The following RNF145 variants were observed in gnomAD, a reference collection of about 807,000 sequenced individuals.
The protein encoded by RNF145 is ring finger protein 145.
In RNF145, 12 loss-of-function variants were observed where a neutral mutation model predicts 57.3. The observed-to-expected ratio is 0.21, with a 90% CI of 0.13 to 0.34. The LOEUF (loss-of-function observed/expected upper bound fraction) is 0.34, where lower values mean the gene tolerates loss of function less well. Among genes scored for constraint, RNF145 ranks in the 10% least tolerant of loss-of-function variants. The pLI is 1.00. For missense variants in RNF145, 429 were observed against 799.0 expected, an observed-to-expected ratio of 0.54 and a Z score of 5.58; for synonymous variants, 262 against 288.3, an observed-to-expected ratio of 0.91 and a Z score of 0.92.
intron 1 of RNF145, among the ~76,000 whole-genome samples, chr5:159,204,813 A>G (rs1439885490): frequency 1.4e-5 from 2 of 145,838 alleles, no homozygotes; most frequent in Non-Finnish European, 3.0e-5. Context: ...CAAAAAAAAA[A>G]AAAAAAAAAA....
rs563714744 is a variant in RNF145, at chr5:159,157,749, C to G, written c.*921G>C. The G allele has an allele frequency of 6.5e-6, 1 of 152,710 alleles. No homozygotes were observed. The highest frequency in any genetic ancestry group is 2.4e-5 in the African/African-American group (1 of 41,422). 9.5% of individuals were successfully genotyped at this position (152,710 alleles called of 1,614,324 possible). On this transcript the variant is annotated 3_prime_UTR_variant, in exon 11 of 11. Coordinates refer to ENST00000424310, the MANE Select transcript of RNF145 (RefSeq NM_001199383.2). ...GTGATCATACAGTTATGTACTCATT[C>G]CCAAAGTGCAAATATTGCCATAATT...
chr5:159,204,391 G>A (rs529882998), intron 1 of RNF145, among the ~76,000 whole-genome samples: 1 of 151,946 alleles, frequency 6.6e-6, no homozygotes, highest in Non-Finnish European at 1.5e-5. Flanking sequence ...AGTAGTGGGG[G>A]GGGGCAGGGG....
rs1785824709 is a variant in RNF145, at chr5:159,205,028, T to G, written c.-39-1372A>C. 2.6e-5 allele frequency among the ~76,000 whole-genome samples: 4 copies of G among 152,280 alleles called. 1 individual carries two copies. The South Asian group carries it at 6.2e-4, about 24-fold the overall frequency. ...GACAGATTGCTATGCTATGGTTAAA[T>G]ATTTGTCAGTATTTCCATCTTACCC... On this transcript the variant is annotated intron_variant, in intron 1 of 10. Transcript: ENST00000424310.
At chr5:159,188,802 GATA>G (rs999837712) in intron 3 of RNF145, among the ~76,000 whole-genome samples, 25 of 152,088 alleles carry the variant, frequency 1.6e-4, no homozygotes, top group African/African-American at 5.8e-4. Context: ...GTCATTTCAG[GATA>G]ATAAGTTTCA....
chr5:159,180,388 G>A (rs946632040), intron 4 of RNF145, among the ~76,000 whole-genome samples: 7 of 151,896 alleles, frequency 4.6e-5, no homozygotes, highest in African/African-American at 1.7e-4. Flanking sequence ...CCATCTAAAA[G>A]GCCTTCTTGA....
intron 1 of RNF145, chr5:159,207,840 A>G: frequency 6.2e-7 from 1 of 1,614,182 alleles, no homozygotes. Context: ...CTGAATACAA[A>G]GGCCATCTTT....
chr5:159,168,934 G>A lies in RNF145; in HGVS notation c.1060C>T (p.Leu354=). 1.9e-6 allele frequency: 3 copies of A among 1,606,368 alleles called. No individual in the cohort carries two copies. The highest frequency in any genetic ancestry group is 1.1e-5 in the South Asian group (1 of 89,468). Residue 354 remains leucine, a synonymous_variant, in exon 8 of 11, where the codon CTA becomes TTA. Coordinates refer to ENST00000424310, the MANE Select transcript of RNF145 (RefSeq NM_001199383.2). ...IILFIVVASI[L]QSMLEIADPI... ...TCTGCAATTTCTAACATAGACTGTA[G>A]GATAGAAGCTACGACAATGAAAAGG... is the stretch of plus-strand genomic sequence containing the variant.
chr5:159,197,938 C>T lies in RNF145; in HGVS notation c.185-3114G>A, dbSNP rs551017907. ...GCCAGTCTGGGTGACAGAGCATGAC[C>T]CTGTCTCTATAAAAAATAAGGGTTG... On this transcript the variant is annotated intron_variant, in intron 2 of 10. Coordinates refer to ENST00000424310, the MANE Select transcript of RNF145 (RefSeq NM_001199383.2). Among the ~76,000 whole-genome samples, 13 of 152,020 alleles carry T rather than the reference C, an allele frequency of 8.6e-5. No individual in the cohort carries two copies. The South Asian group carries it at 1.7e-3, about 19-fold the overall frequency.
intron 8 of RNF145, among the ~76,000 whole-genome samples, chr5:159,166,028 TAC>T (rs937991507): frequency 1.3e-5 from 2 of 152,232 alleles, no homozygotes; most frequent in African/African-American, 4.8e-5. Flanking sequence ...TACACCACTT[TAC>T]ACTCTCATCA....
At chr5:159,172,439 C>T (rs1347115539) in intron 6 of RNF145, among the ~76,000 whole-genome samples, 2 of 151,910 alleles carry the variant, frequency 1.3e-5, no homozygotes, top group Non-Finnish European at 2.9e-5. Context: ...CGAGATTGTG[C>T]CACTGTACTC....
At chr5:159,207,675 C>A in intron 1 of RNF145, 1 of 1,612,810 alleles carries the variant, frequency 6.2e-7, no homozygotes, top group South Asian at 1.1e-5. Context: ...GAACGCATTT[C>A]TTACATAAGC....
chr5:159,158,084 G>A lies in RNF145; in HGVS notation c.*586C>T, dbSNP rs1245593446. On this transcript the variant is annotated 3_prime_UTR_variant, in exon 11 of 11. Transcript: ENST00000424310. The stretch of plus-strand genomic sequence containing the variant: ...CTTCCCTAAAGCACATACAAAGTAT[G>A]AGCGTGCTTCAATCTTTGAATACAA... The A allele has an allele frequency of 1.4e-5, 2 of 142,574 alleles. No individual in the cohort carries two copies. Among genetic ancestry groups the A allele is most frequent in the African/African-American group, 5.0e-5 (2 of 39,638 alleles). The allele number at this position is 142,574 out of a possible 1,614,324, so 8.8% of individuals were successfully genotyped here.
chr5:159,183,358 C>T (rs1406878448), intron 3 of RNF145, among the ~76,000 whole-genome samples: 2 of 152,166 alleles, frequency 1.3e-5, no homozygotes, highest in African/African-American at 4.8e-5. Context: ...AGAGGTATTA[C>T]TAGCACCTAG....
chr5:159,167,942 T>G (rs1562050447), intron 8 of RNF145, among the ~76,000 whole-genome samples: 1 of 152,176 alleles, frequency 6.6e-6, no homozygotes. Flanking sequence ...CCCAAGAGAT[T>G]AGCTGTTCCC....
chr5:159,205,738 T>C (rs1291401048), intron 1 of RNF145, among the ~76,000 whole-genome samples: 3 of 152,204 alleles, frequency 2.0e-5, no homozygotes, highest in Non-Finnish European at 4.4e-5. Context: ...GAATCCAATA[T>C]AAATCATTAC....
chr5:159,187,900 C>G (rs1340349096), intron 3 of RNF145, among the ~76,000 whole-genome samples: 3 of 152,120 alleles, frequency 2.0e-5, no homozygotes, highest in African/African-American at 4.8e-5. Flanking sequence ...GCTGATTATC[C>G]ATAGTTTACA....
At chr5:159,175,349 T>C (rs1208425957) in intron 5 of RNF145, among the ~76,000 whole-genome samples, 1 of 152,158 alleles carries the variant, frequency 6.6e-6, no homozygotes, top group African/African-American at 2.4e-5. Flanking sequence ...GATTCTTTCC[T>C]GGTCACGCAT....
At chr5:159,208,236 G>T (rs1168402635) in intron 1 of RNF145, 1 of 1,067,176 alleles carries the variant, frequency 9.4e-7, no homozygotes, top group Non-Finnish European at 1.2e-6. Flanking sequence ...GGCCGCCGCC[G>T]CCGCGGGGCT....
intron 9 of RNF145, among the ~76,000 whole-genome samples, chr5:159,162,347 T>C (rs972270289): frequency 2.0e-5 from 3 of 152,116 alleles, no homozygotes; most frequent in Non-Finnish European, 4.4e-5. Flanking sequence ...TATCATACCA[T>C]TTTGAAAAAG....
Sources: allele counts gnomAD v4.1 joint callset (sites outside exome capture counted in the v4.1 genomes callset), GRCh38; gene constraint gnomAD v4.1.1; transcripts MANE v1.5; gene names NCBI Gene and HGNC (gene_info 2026-07-23, HGNC 2026-07-21).